Variants in SLC26A7 observed in about 807,000 individuals in gnomAD.
The protein encoded by SLC26A7 is anion exchange transporter.
Under a neutral mutation model 82.5 loss-of-function variants are expected in SLC26A7, and 59 were observed. That is an observed-to-expected ratio of 0.72 (90% CI 0.58 to 0.89). The LOEUF (loss-of-function observed/expected upper bound fraction) is 0.89. Among genes scored for constraint, SLC26A7 ranks in the 40% least tolerant of loss-of-function variants. The pLI is 0.00. For missense variants in SLC26A7, 820 were observed against 793.0 expected, an observed-to-expected ratio of 1.03 and a Z score of -0.41; for synonymous variants, 271 against 274.3, an observed-to-expected ratio of 0.99 and a Z score of 0.12.
At chr8:91,314,634 GT>G (rs1173164969) in intron 4 of SLC26A7, among the ~76,000 whole-genome samples, 1 of 152,110 alleles carries the variant, frequency 6.6e-6, no homozygotes, top group Non-Finnish European at 1.5e-5. Flanking sequence ...AACCTCATAT[GT>G]TTTTAATCAT....
At chr8:91,281,423 C>T (rs1182116279) in intron 2 of SLC26A7, among the ~76,000 whole-genome samples, 1 of 152,142 alleles carries the variant, frequency 6.6e-6, no homozygotes, top group Non-Finnish European at 1.5e-5. Flanking sequence ...ATCAGCCCTC[C>T]ATATCCAGAA....
At chr8:91,339,661 T>C (rs202214545) in intron 7 of SLC26A7, among the ~76,000 whole-genome samples, 1 of 146,226 alleles carries the variant, frequency 6.8e-6, no homozygotes, top group African/African-American at 2.5e-5. Flanking sequence ...TATTTATTTA[T>C]TTAATTTATT....
chr8:91,314,966 A>T (rs1471734195), intron 4 of SLC26A7, among the ~76,000 whole-genome samples: 2 of 152,134 alleles, frequency 1.3e-5, no homozygotes, highest in African/African-American at 4.8e-5. Flanking sequence ...AATGACAAAG[A>T]AGCTGCTACT....
chr8:91,240,961 C>T (rs920602575), intron 2 of SLC26A7, among the ~76,000 whole-genome samples: 11 of 152,046 alleles, frequency 7.2e-5, no homozygotes, highest in Admixed American at 6.6e-5. Context: ...AAGAGCCTCA[C>T]TGGCACATAG....
intron 11 of SLC26A7, among the ~76,000 whole-genome samples, chr8:91,361,338 A>C (rs1814044612): frequency 6.6e-6 from 1 of 152,128 alleles, no homozygotes; most frequent in African/African-American, 2.4e-5. Flanking sequence ...CCTCCCCAAG[A>C]TTGTATGCTA....
intron 16 of SLC26A7, among the ~76,000 whole-genome samples, chr8:91,390,110 CTT>C (rs1202015002): frequency 1.1e-4 from 16 of 139,188 alleles, no homozygotes; most frequent in East Asian, 2.0e-4. Context: ...CCCCACCCGC[CTT>C]TTTTTTTTTT....
chr8:91,363,264 C>CTATT (rs1323750268), intron 12 of SLC26A7, among the ~76,000 whole-genome samples: 6 of 152,072 alleles, frequency 3.9e-5, no homozygotes, highest in African/African-American at 1.4e-4. Flanking sequence ...AGATGGGGCT[C>CTATT]TATTTATATG....
intron 2 of SLC26A7, among the ~76,000 whole-genome samples, chr8:91,265,029 C>G (rs183736537): frequency 8.3e-4 from 127 of 152,102 alleles, no homozygotes; most frequent in African/African-American, 2.7e-3. Flanking sequence ...GGTAATTTCT[C>G]CCCACTCCCT....
chr8:91,271,890 G>A (rs756055557), intron 2 of SLC26A7, among the ~76,000 whole-genome samples: 1 of 152,136 alleles, frequency 6.6e-6, no homozygotes, highest in Non-Finnish European at 1.5e-5. Flanking sequence ...CACAGCGCCC[G>A]GCCGAGAAAT....
At chr8:91,317,954 ATAT>A in intron 4 of SLC26A7, among the ~76,000 whole-genome samples, 1 of 146,926 alleles carries the variant, frequency 6.8e-6, no homozygotes, top group African/African-American at 2.5e-5. Flanking sequence ...ATATATATAT[ATAT>A]AAAATAAAAA....
intron 2 of SLC26A7, among the ~76,000 whole-genome samples, chr8:91,278,651 A>G (rs1811471074): frequency 6.6e-6 from 1 of 152,162 alleles, no homozygotes; most frequent in African/African-American, 2.4e-5. Context: ...AAAACTGTAT[A>G]TGCTTATGAA....
chr8:91,295,602 C>G lies in SLC26A7; in HGVS notation c.376C>G (p.Leu126Val). 3 of 1,614,144 alleles carry G rather than the reference C, an allele frequency of 1.9e-6. No homozygotes were observed. The highest frequency in any genetic ancestry group is 2.5e-6 in the Non-Finnish European group (3 of 1,180,002). Reference sequence around the variant, plus strand: ...GATTGTCCCTCAGAACATGCAGAATCTCACCACACAGAGTAACACAAGCGT... The same window carrying G: ...GATTGTCCCTCAGAACATGCAGAATGTCACCACACAGAGTAACACAAGCGT... ...ERIVPQNMQN[L>V]TTQSNTSVLG... Residue 126 changes from leucine (L) to valine (V), a missense_variant, in exon 4 of 19, where the codon CTC (leucine) becomes GTC (valine). Transcript: ENST00000276609.
At chr8:91,332,170 T>C (rs1813100089) in intron 5 of SLC26A7, among the ~76,000 whole-genome samples, 6 of 146,710 alleles carry the variant, frequency 4.1e-5, no homozygotes, top group Admixed American at 3.5e-4. Flanking sequence ...CACACACATA[T>C]ATATATAATA....
chr8:91,269,675 T>C (rs1036688642), intron 2 of SLC26A7, among the ~76,000 whole-genome samples: 10 of 152,298 alleles, frequency 6.6e-5, no homozygotes, highest in African/African-American at 2.4e-4. Context: ...TCTCCTGAAT[T>C]GAGAAATTTT....
chr8:91,309,675 GAAAAT>G lies in SLC26A7; in HGVS notation c.478-8537_478-8533del, dbSNP rs368280355. On this transcript the variant is annotated intron_variant, in intron 4 of 18. Coordinates refer to ENST00000276609, the MANE Select transcript of SLC26A7 (RefSeq NM_052832.4). Reference sequence around the variant, plus strand: ...GCAAGTATTAGAGCATGAACGAAAAGAAAATAAAGTACACTTGGGAGGGGGTCAAG... The same window carrying G: ...GCAAGTATTAGAGCATGAACGAAAAGAAAGTACACTTGGGAGGGGGTCAAG... Among the ~76,000 whole-genome samples, 83 of 152,060 alleles carry G rather than the reference GAAAAT, an allele frequency of 5.5e-4. No homozygotes were observed. The East Asian group carries it at 0.01, about 19-fold the overall frequency.
At chr8:91,302,120 G>A (rs150851739) in intron 4 of SLC26A7, among the ~76,000 whole-genome samples, 2 of 152,050 alleles carry the variant, frequency 1.3e-5, no homozygotes, top group Admixed American at 1.3e-4. Flanking sequence ...CTAACCTACT[G>A]TATAATCATT....
intron 5 of SLC26A7, among the ~76,000 whole-genome samples, chr8:91,326,350 C>T (rs939963343): frequency 6.6e-6 from 1 of 152,096 alleles, no homozygotes; most frequent in East Asian, 1.9e-4. Flanking sequence ...TGGAGATTCA[C>T]AATCCATGTG....
chr8:91,374,608 AT>A (rs568828342), intron 15 of SLC26A7, among the ~76,000 whole-genome samples: 178 of 150,834 alleles, frequency 1.2e-3, no homozygotes, highest in East Asian at 6.8e-3. Context: ...ATATGATTTG[AT>A]TTTTTTTTGG....
intron 5 of SLC26A7, among the ~76,000 whole-genome samples, chr8:91,333,004 GT>G (rs1287228839): frequency 6.6e-6 from 1 of 152,146 alleles, no homozygotes; most frequent in East Asian, 1.9e-4. Context: ...TTCCAGGTGA[GT>G]TTCCTTATAT....
Sources: allele counts gnomAD v4.1 joint callset (sites outside exome capture counted in the v4.1 genomes callset), GRCh38; gene constraint gnomAD v4.1.1; transcripts MANE v1.5; gene names NCBI Gene and HGNC (gene_info 2026-07-23, HGNC 2026-07-21).